Variants in NRG1 observed in about 807,000 individuals in gnomAD.
NRG1 encodes the protein neuregulin 1.
In NRG1, 18 loss-of-function variants were observed where a neutral mutation model predicts 63.8. That is an observed-to-expected ratio of 0.28 (90% CI 0.19 to 0.42). The LOEUF is 0.42. Ranked by LOEUF, NRG1 falls within the 10% of genes least tolerant of loss-of-function variation. NRG1 has a pLI of 1.00. For synonymous variants in NRG1, 302 were observed against 301.3 expected (o/e 1.00, Z -0.02); for missense variants, 762 against 814.7 (o/e 0.94, Z 0.79).
chr8:31,870,864 C>G (rs1829419156), intron 1 of NRG1, among the ~76,000 whole-genome samples: 1 of 152,132 alleles, frequency 6.6e-6, no homozygotes, highest in Non-Finnish European at 1.5e-5. Context: ...ACTGCAGAAA[C>G]TAGCAGGATT....
At chr8:32,764,577 AT>A (rs1321673295) in exon 12 of NRG1, 1 of 529,308 alleles carries the variant, frequency 1.9e-6, no homozygotes. Context: ...ATATGTAGCA[AT>A]TTTTTACAGT....
At chr8:32,302,919 C>T (rs1300427526) in intron 1 of NRG1, among the ~76,000 whole-genome samples, 1 of 152,168 alleles carries the variant, frequency 6.6e-6, no homozygotes, top group South Asian at 2.1e-4. Context: ...CGGGGGCTCA[C>T]GCCTGTAATC....
Position 31,947,269 on chromosome 8 carries a change from C to T in NRG1, c.37+307838C>T, listed in dbSNP as rs988201696. ...GAGCTGAGATTGCGCCACTGCAGTC[C>T]GCAGTCCGGCCTGGGCGACAGAGTG... is the stretch of plus-strand genomic sequence containing the variant. On this transcript the variant is annotated intron_variant, in intron 1 of 10. Coordinates refer to the NRG1 transcript ENST00000519301. Among the ~76,000 whole-genome samples the T allele has an allele frequency of 6.8e-5, 10 of 147,566 alleles. No individual in the cohort carries two copies. The East Asian group carries it at 1.0e-3, about 15-fold the overall frequency.
chr8:32,142,502 C>T (rs1836394500), intron 1 of NRG1, among the ~76,000 whole-genome samples: 1 of 152,140 alleles, frequency 6.6e-6, no homozygotes, highest in Admixed American at 6.6e-5. Flanking sequence ...GCCAAATCTA[C>T]AAGCATTAGG....
chr8:32,654,396 A>G (rs1469435980), intron 5 of NRG1, among the ~76,000 whole-genome samples: 2 of 152,178 alleles, frequency 1.3e-5, no homozygotes, highest in African/African-American at 4.8e-5. Context: ...TGGGAGGCCA[A>G]GGTGGGAGGA....
intron 1 of NRG1, among the ~76,000 whole-genome samples, chr8:32,134,798 C>T (rs1166379960): frequency 2.0e-5 from 3 of 152,090 alleles, no homozygotes; most frequent in Non-Finnish European, 2.9e-5. Flanking sequence ...GGGAGGATAG[C>T]TTGAGCCCAG....
At chr8:32,064,155 TG>T (rs1489951216) in intron 1 of NRG1, among the ~76,000 whole-genome samples, 1 of 152,090 alleles carries the variant, frequency 6.6e-6, no homozygotes, top group Non-Finnish European at 1.5e-5. Context: ...TGTGTGGGTT[TG>T]GGGTAAGAGC....
chr8:32,640,273 A>ACACACACACG (rs775272154), intron 5 of NRG1, among the ~76,000 whole-genome samples: 1 of 149,768 alleles, frequency 6.7e-6, no homozygotes, highest in Non-Finnish European at 1.5e-5. Flanking sequence ...ACACACACAC[A>ACACACACACG]CGCACGCACA....
intron 1 of NRG1, among the ~76,000 whole-genome samples, chr8:31,798,680 T>A (rs565607766): frequency 6.6e-6 from 1 of 152,322 alleles, no homozygotes; most frequent in Admixed American, 6.5e-5. Context: ...TAATAAGATG[T>A]AATCTTTTAA....
At chr8:32,282,638 T>TAGAAGAA (rs1853008740) in intron 1 of NRG1, among the ~76,000 whole-genome samples, 2 of 152,226 alleles carry the variant, frequency 1.3e-5, no homozygotes, top group African/African-American at 4.8e-5. Flanking sequence ...CAAGGTCTTC[T>TAGAAGAA]TTCCATTATT....
chr8:32,697,996 A>G (rs540206775), intron 5 of NRG1, among the ~76,000 whole-genome samples: 21 of 152,290 alleles, frequency 1.4e-4, no homozygotes, highest in Admixed American at 1.2e-3. Context: ...TCACGAGGTC[A>G]AGAGATCGTG....
intron 1 of NRG1, among the ~76,000 whole-genome samples, chr8:32,058,636 C>G (rs952718666): frequency 1.3e-5 from 2 of 151,956 alleles, no homozygotes; most frequent in Admixed American, 1.3e-4. Context: ...ATTTCTGGAT[C>G]TGTCAGAGTT....
intron 1 of NRG1, among the ~76,000 whole-genome samples, chr8:32,017,273 C>A (rs1815689132): frequency 6.6e-6 from 1 of 152,150 alleles, no homozygotes; most frequent in Non-Finnish European, 1.5e-5. Flanking sequence ...GTATTGTAGA[C>A]TTGGAGTGGA....
intron 1 of NRG1, among the ~76,000 whole-genome samples, chr8:31,868,122 AACAC>A (rs57466959): frequency 6.0e-5 from 8 of 133,122 alleles, no homozygotes; most frequent in Non-Finnish European, 1.1e-4. Context: ...TACCATCCCA[AACAC>A]ACACACACAC....
intron 1 of NRG1, among the ~76,000 whole-genome samples, chr8:32,158,751 C>G (rs1838464915): frequency 6.6e-6 from 1 of 151,888 alleles, no homozygotes; most frequent in South Asian, 2.1e-4. Context: ...TTATGTCTGA[C>G]TTAATAGATT....
In NRG1 at chr8:31,882,514, G is replaced by A. The variant is rs183039879; in HGVS notation, c.37+243083G>A. 5.0e-4 allele frequency among the ~76,000 whole-genome samples: 76 copies of A among 152,088 alleles called. 1 individual carries two copies. Among genetic ancestry groups the A allele is most frequent in the African/African-American group, 1.6e-3 (66 of 41,502 alleles). ...GGAGCAATTTCAACGTCTAAGTCTTGTTATTGAAGAAACACATTTTTTAAG... is the reference window on the plus strand; with the variant it reads ...GGAGCAATTTCAACGTCTAAGTCTTATTATTGAAGAAACACATTTTTTAAG... On this transcript the variant is annotated intron_variant, in intron 1 of 10. Coordinates refer to the NRG1 transcript ENST00000519301.
At chr8:31,875,615 G>A (rs1328465216) in intron 1 of NRG1, among the ~76,000 whole-genome samples, 1 of 152,152 alleles carries the variant, frequency 6.6e-6, no homozygotes, top group Non-Finnish European at 1.5e-5. Flanking sequence ...TCTCCTCTGC[G>A]ATTATGTGGC....
intron 1 of NRG1, among the ~76,000 whole-genome samples, chr8:31,731,717 G>A (rs999075883): frequency 6.6e-6 from 1 of 152,014 alleles, no homozygotes; most frequent in African/African-American, 2.4e-5. Context: ...AAATATTTCA[G>A]GAAATTCTGA....
At chr8:32,190,585 T>G (rs1279521599) in intron 1 of NRG1, among the ~76,000 whole-genome samples, 1 of 152,202 alleles carries the variant, frequency 6.6e-6, no homozygotes, top group Non-Finnish European at 1.5e-5. Context: ...TAAAATTTCA[T>G]GACCAAAACA....
Sources: gnomAD v4.1 joint callset for allele counts (sites outside exome capture counted in the v4.1 genomes callset) on GRCh38, gnomAD v4.1.1 for gene constraint, MANE v1.5 for transcripts, NCBI Gene and HGNC (gene_info 2026-07-23, HGNC 2026-07-21) for gene names.